Variants in OR4F3 observed in about 807,000 individuals in gnomAD.
OR4F3 encodes the protein olfactory receptor 4F3/4F16/4F29.
the OR4F3 span, among the ~76,000 whole-genome samples, chr5:181,357,404 A>C: frequency 7.9e-6 from 1 of 127,218 alleles, no homozygotes; most frequent in Non-Finnish European, 1.6e-5. Flanking sequence ...AGGCTTCAGA[A>C]TGCTCACTTG....
At chr5:181,354,489 A>G in the OR4F3 span, among the ~76,000 whole-genome samples, 2 of 132,910 alleles carry the variant, frequency 1.5e-5, no homozygotes, top group African/African-American at 3.2e-5. Flanking sequence ...GGTGGTCTTC[A>G]TGGAGAACCT....
chr5:181,357,159 ATT>A, the OR4F3 span, among the ~76,000 whole-genome samples: 1 of 135,174 alleles, frequency 7.4e-6, no homozygotes, highest in Non-Finnish European at 1.6e-5. Context: ...ACTTTATTTG[ATT>A]TTGTTATTTT....
chr5:181,358,396 G>C, the OR4F3 span, among the ~76,000 whole-genome samples: 20 of 131,644 alleles, frequency 1.5e-4, 3 homozygotes, highest in Non-Finnish European at 3.2e-4. Flanking sequence ...AGGCAGACGA[G>C]TTTGGAATCT....
chr5:181,363,770 T>C (rs1258842116), upstream of OR4F3, among the ~76,000 whole-genome samples: 178 of 87,912 alleles, frequency 2.0e-3, 9 homozygotes, highest in East Asian at 7.9e-3. Flanking sequence ...GTGTATATTA[T>C]TGTATAGTAT....
chr5:181,353,478 TGTGAGTCCATTAA>T, the OR4F3 span, among the ~76,000 whole-genome samples: 1 of 26,060 alleles, frequency 3.8e-5, no homozygotes, highest in African/African-American at 1.2e-4. Flanking sequence ...CACCTGGAAA[TGTGAGTCCATTAA>T]GTGTCTTTTT....
chr5:181,363,583 A>G (rs1227562564), upstream of OR4F3, among the ~76,000 whole-genome samples: 1 of 94,740 alleles, frequency 1.1e-5, no homozygotes. Flanking sequence ...TTTGGAAATA[A>G]CTCTACTGTG....
At chr5:181,362,524 C>A (rs1761078411), upstream of OR4F3, among the ~76,000 whole-genome samples, 1 of 124,254 alleles carries the variant, frequency 8.0e-6, no homozygotes, top group African/African-American at 3.9e-5. Flanking sequence ...CACCTAGGAG[C>A]AATTTTTTTT....
At chr5:181,356,911 A>T in the OR4F3 span, among the ~76,000 whole-genome samples, 1 of 133,838 alleles carries the variant, frequency 7.5e-6, no homozygotes, top group East Asian at 2.0e-4. Flanking sequence ...TAAATAAATG[A>T]ATTAATTTTA....
At chr5:181,361,821 T>G in the OR4F3 span, among the ~76,000 whole-genome samples, 4 of 100,898 alleles carry the variant, frequency 4.0e-5, no homozygotes, top group African/African-American at 1.9e-4. Context: ...CCCAAAGTGC[T>G]GGGCTGACAG....
At chr5:181,354,531 G>A in the OR4F3 span, among the ~76,000 whole-genome samples, 1 of 130,372 alleles carries the variant, frequency 7.7e-6, no homozygotes, top group Non-Finnish European at 1.6e-5. Flanking sequence ...GAAATGTGGG[G>A]TTGAAGCCCC....
the OR4F3 span, among the ~76,000 whole-genome samples, chr5:181,357,114 T>C: frequency 7.4e-6 from 1 of 134,728 alleles, no homozygotes; most frequent in Non-Finnish European, 1.6e-5. Context: ...ACTTTACCCC[T>C]TAAACCCACT....
At chr5:181,354,525 T>C in the OR4F3 span, among the ~76,000 whole-genome samples, 44 of 126,150 alleles carry the variant, frequency 3.5e-4, 6 homozygotes, top group African/African-American at 1.4e-3. Flanking sequence ...GGAATGGAAA[T>C]GTGGGGTTGA....
At chr5:181,357,374 C>A in the OR4F3 span, among the ~76,000 whole-genome samples, 5 of 130,286 alleles carry the variant, frequency 3.8e-5, 2 homozygotes, top group South Asian at 2.4e-4. Flanking sequence ...TAACCGCAAA[C>A]CCCAGAACAT....
chr5:181,354,347 G>A, the OR4F3 span, among the ~76,000 whole-genome samples: 2 of 132,108 alleles, frequency 1.5e-5, no homozygotes, highest in Non-Finnish European at 3.2e-5. Flanking sequence ...CAAGCCTCAA[G>A]CTTTGGCAGC....
upstream of OR4F3, among the ~76,000 whole-genome samples, chr5:181,362,375 A>T (rs112705261): frequency 0.014 from 1,583 of 111,764 alleles, 32 homozygotes; most frequent in African/African-American, 0.054. Context: ...GTCATAAAAG[A>T]CATTTTTTTT....
the OR4F3 span, among the ~76,000 whole-genome samples, chr5:181,358,305 A>T: frequency 2.3e-5 from 3 of 132,040 alleles, 1 homozygote; most frequent in East Asian, 5.9e-4. Flanking sequence ...ATAATTATAT[A>T]ATATTATTAG....
the OR4F3 span, among the ~76,000 whole-genome samples, chr5:181,357,314 A>G: frequency 4.5e-5 from 6 of 132,870 alleles, 2 homozygotes; most frequent in African/African-American, 2.0e-4. Flanking sequence ...TGTTATGAAT[A>G]TAATTAGTCC....
At chr5:181,354,616 T>C in the OR4F3 span, among the ~76,000 whole-genome samples, 1 of 117,728 alleles carries the variant, frequency 8.5e-6, no homozygotes, top group Non-Finnish European at 1.8e-5. Flanking sequence ...GACCCCGGAA[T>C]GGTAGATCCA....
chr5:181,362,820 T>TA (rs1440404951), upstream of OR4F3, among the ~76,000 whole-genome samples: 8 of 58,414 alleles, frequency 1.4e-4, no homozygotes, highest in Admixed American at 3.0e-4. Flanking sequence ...GCAAGGGAGG[T>TA]ATTATTATCC....
Sources: allele counts gnomAD v4.1 joint callset (sites outside exome capture counted in the v4.1 genomes callset), GRCh38; gene constraint gnomAD v4.1.1; transcripts MANE v1.5; gene names NCBI Gene and HGNC (gene_info 2026-07-23, HGNC 2026-07-21).